ITSN2: variants seen among roughly 807,000 people sequenced by gnomAD.
ITSN2 encodes intersectin 2, also known as intersectin-2.
In ITSN2, 156 loss-of-function variants were observed where a neutral mutation model predicts 243.7. That is an observed-to-expected ratio of 0.64 (90% CI 0.56 to 0.73). The LOEUF (loss-of-function observed/expected upper bound fraction) is 0.73, where lower values mean the gene tolerates loss of function less well. Ranked by LOEUF, ITSN2 falls within the 30% of genes least tolerant of loss-of-function variation. The pLI is 0.00. For missense variants in ITSN2, 1,801 were observed against 1,996.1 expected, an observed-to-expected ratio of 0.90 and a Z score of 1.86; for synonymous variants, 703 against 699.9, an observed-to-expected ratio of 1.00 and a Z score of -0.07.
chr2:24,305,302 A>G (rs1175867642), intron 8 of ITSN2, among the ~76,000 whole-genome samples: 1 of 152,150 alleles, frequency 6.6e-6, no homozygotes, highest in Non-Finnish European at 1.5e-5. Flanking sequence ...GAAGTAAAAA[A>G]GGGAAAAACA....
chr2:24,314,564 T>C (rs1218666534), intron 3 of ITSN2, among the ~76,000 whole-genome samples: 2 of 152,242 alleles, frequency 1.3e-5, no homozygotes, highest in Non-Finnish European at 2.9e-5. Context: ...ATCTGGTATA[T>C]AGTAAAAATT....
At chr2:24,339,337 G>A (rs984022769) in intron 1 of ITSN2, among the ~76,000 whole-genome samples, 6 of 151,870 alleles carry the variant, frequency 4.0e-5, no homozygotes, top group South Asian at 2.1e-4. Context: ...CGGGTGTGGC[G>A]GTGCATGCCT....
At chr2:24,216,897 G>A (rs1484490971) in intron 31 of ITSN2, among the ~76,000 whole-genome samples, 5 of 152,098 alleles carry the variant, frequency 3.3e-5, no homozygotes, top group African/African-American at 9.7e-5. Context: ...CATCCTGGCT[G>A]ACACAGTGAA....
At chr2:24,301,930 CA>C in intron 10 of ITSN2, 34 bp downstream of exon 10, 1 of 1,566,926 alleles carries the variant, frequency 6.4e-7, no homozygotes, top group Non-Finnish European at 8.7e-7. Context: ...GCCAAGTTAT[CA>C]AAACCATAGT....
intron 15 of ITSN2, among the ~76,000 whole-genome samples, chr2:24,287,699 T>A (rs1163975506): frequency 6.6e-6 from 1 of 152,064 alleles, no homozygotes; most frequent in East Asian, 1.9e-4. Flanking sequence ...TCACTACCAC[T>A]CGTTATCTCT....
At chr2:24,326,192 TA>T (rs533964689) in intron 2 of ITSN2, among the ~76,000 whole-genome samples, 2 of 152,038 alleles carry the variant, frequency 1.3e-5, no homozygotes, top group Admixed American at 6.6e-5. Flanking sequence ...TTCAGAAGTT[TA>T]AAAAAAATTA....
chr2:24,351,277 G>A (rs528878573), intron 1 of ITSN2, among the ~76,000 whole-genome samples: 2 of 152,158 alleles, frequency 1.3e-5, no homozygotes, highest in Admixed American at 6.5e-5. Flanking sequence ...TTGTTTTCAC[G>A]CCTGCCCCGC....
intron 29 of ITSN2, among the ~76,000 whole-genome samples, chr2:24,229,542 T>C (rs1012757526): frequency 6.6e-6 from 1 of 152,150 alleles, no homozygotes; most frequent in African/African-American, 2.4e-5. Context: ...TGAGCCAAGA[T>C]TGTGCCACTG....
upstream of ITSN2, among the ~76,000 whole-genome samples, chr2:24,361,237 C>G (rs1688990092): frequency 2.0e-5 from 3 of 152,182 alleles, no homozygotes; most frequent in African/African-American, 7.2e-5. Flanking sequence ...CTCCCCACCC[C>G]TCGCCAAGGG....
chr2:24,324,848 T>A (rs1180426322), intron 2 of ITSN2, among the ~76,000 whole-genome samples: 1 of 52,462 alleles, frequency 1.9e-5, no homozygotes, highest in African/African-American at 8.9e-5. Context: ...AGTAAGACCC[T>A]GTCTCAAAAA....
At chr2:24,230,236 C>T (rs1483065680) in intron 29 of ITSN2, among the ~76,000 whole-genome samples, 1 of 152,192 alleles carries the variant, frequency 6.6e-6, no homozygotes, top group Non-Finnish European at 1.5e-5. Context: ...GCTGCTCACG[C>T]CACCTGATAC....
intron 18 of ITSN2, among the ~76,000 whole-genome samples, chr2:24,272,354 C>T (rs1168417425): frequency 6.6e-6 from 1 of 151,330 alleles, no homozygotes; most frequent in African/African-American, 2.4e-5. Context: ...ACTGTCCTAT[C>T]TAATCTTTGT....
intron 15 of ITSN2, among the ~76,000 whole-genome samples, chr2:24,291,716 T>C (rs777390106): frequency 6.6e-6 from 1 of 152,062 alleles, no homozygotes; most frequent in Non-Finnish European, 1.5e-5. Context: ...TCTCGATCTC[T>C]TGACCTCGTG....
At chr2:24,352,860 A>G (rs914455308) in intron 1 of ITSN2, among the ~76,000 whole-genome samples, 2 of 152,228 alleles carry the variant, frequency 1.3e-5, no homozygotes, top group Admixed American at 6.5e-5. Flanking sequence ...CTGCATTCCT[A>G]TAAGGGGTCC....
intron 16 of ITSN2, among the ~76,000 whole-genome samples, chr2:24,285,086 G>A (rs1030126716): frequency 6.6e-6 from 1 of 151,786 alleles, no homozygotes; most frequent in African/African-American, 2.4e-5. Flanking sequence ...TAGTAGAGAT[G>A]GGGTTTCACC....
chr2:24,217,974 C>T lies in ITSN2; in HGVS notation c.3739G>A (p.Glu1247Lys), dbSNP rs747252079. The change falls in exon 31 of 40, where the codon GAA becomes AAA. Residue 1247 changes from glutamate to lysine, a missense_variant. Glu to Lys is a moderately conservative substitution (Grantham distance 56). Transcript: ENST00000355123. ...ACAAAAATCAGGGCCATCTCCCCTT[C>T]AGTGAGAAAGCCTGACTCTGCCATG... ...KRMAESGFLT[E>K]GEMALIFVNW... The T allele has an allele frequency of 3.1e-6, 5 of 1,614,054 alleles. No homozygotes were observed. The highest frequency in any genetic ancestry group is 3.3e-5 in the Admixed American group (2 of 60,018).
Position 24,204,437 on chromosome 2 carries a change from C to T in ITSN2, c.4763-19G>A, listed in dbSNP as rs1014466821. 6.2e-7 allele frequency: 1 copy of T among 1,613,574 alleles called. No individual in the cohort carries two copies. The highest frequency in any genetic ancestry group is 8.5e-7 in the Non-Finnish European group (1 of 1,179,546). On this transcript the variant is annotated intron_variant, in intron 38 of 39. Transcript: ENST00000355123. The surrounding 1 kb of genome is among the most constrained non-coding windows in gnomAD (Gnocchi z 5.1). ...CTCTTTCCTGAACAAAAACAAACCA[C>T]AGACACATGTGGTGCATGCAGGTAA... is the stretch of plus-strand genomic sequence containing the variant.
In ITSN2 at chr2:24,312,336, C is replaced by T. The variant is rs1683350004; in HGVS notation, c.228G>A (p.Gln76=). The change falls in exon 5 of 40, where the codon CAG becomes CAA. Residue 76 remains glutamine, a synonymous_variant. Transcript: ENST00000355123. ...GTTTCATAGCTATGGAGAACTCTTG[C>T]TGATCCATCTTCCCATCCTTGTTTA... The part of the protein sequence containing the change: ...SDLNKDGKMD[Q]QEFSIAMKLI... The T allele has an allele frequency of 1.2e-6, 2 of 1,612,670 alleles. No individual in the cohort carries two copies. The highest frequency in any genetic ancestry group is 1.7e-6 in the Non-Finnish European group (2 of 1,179,196).
At chr2:24,276,658 C>G (rs956092958) in intron 17 of ITSN2, among the ~76,000 whole-genome samples, 3 of 152,150 alleles carry the variant, frequency 2.0e-5, no homozygotes, top group Non-Finnish European at 2.9e-5. Context: ...CAACATCTTA[C>G]GTGGTTTTAA....
Sources: allele counts gnomAD v4.1 joint callset (sites outside exome capture counted in the v4.1 genomes callset), GRCh38; gene constraint gnomAD v4.1.1; non-coding constraint Gnocchi (gnomAD v3.1); transcripts MANE v1.5; gene names NCBI Gene and HGNC (gene_info 2026-07-23, HGNC 2026-07-21).